IFT140: variants seen among roughly 807,000 people sequenced by gnomAD.
IFT140 encodes the protein intraflagellar transport protein 140 homolog.
IFT140 carries 133 observed loss-of-function variants against 164.6 expected under a neutral mutation model. That is an observed-to-expected ratio of 0.81 (90% CI 0.70 to 0.93). The LOEUF (loss-of-function observed/expected upper bound fraction) is 0.93. IFT140 is among the 40% of genes least tolerant of loss of function. The pLI is 0.00. For synonymous variants in IFT140, 860 were observed against 817.3 expected (o/e 1.05, Z -0.89); for missense variants, 2,045 against 1,972.3 (o/e 1.04, Z -0.70).
In IFT140 at chr16:1,561,974, T is replaced by G; in HGVS notation, c.2199+11A>C. 6.3e-7 allele frequency: 1 copy of G among 1,589,090 alleles called. No individual in the cohort carries two copies. ...TCAGAAGACACCTGTGCGGATGTCG[T>G]GGCTTCGTACCTTTCTTGTGAAGTA... On this transcript the variant is annotated intron_variant, in intron 18 of 30. Coordinates refer to ENST00000426508, the MANE Select transcript of IFT140 (RefSeq NM_014714.4).
intron 3 of IFT140, among the ~76,000 whole-genome samples, chr16:1,606,110 G>A (rs1331732573): frequency 6.6e-6 from 1 of 152,212 alleles, no homozygotes; most frequent in African/African-American, 2.4e-5. Flanking sequence ...CAGAGCCAGC[G>A]GGCCCTGCTG....
chr16:1,523,703 G>A lies in IFT140; in HGVS notation c.3271-3C>T. On this transcript the variant is annotated splice_polypyrimidine_tract_variant and splice_region_variant and intron_variant, in intron 25 of 30. Transcript: ENST00000426508. ...AGGGCCTTGGAGAAGTGGCCAGCCTGCGGATACGGTGGGCTCTGAGCAGCT... is the reference window on the plus strand; with the variant it reads ...AGGGCCTTGGAGAAGTGGCCAGCCTACGGATACGGTGGGCTCTGAGCAGCT... The A allele has an allele frequency of 6.2e-7, 1 of 1,612,804 alleles. No individual in the cohort carries two copies. The highest frequency in any genetic ancestry group is 8.5e-7 in the Non-Finnish European group (1 of 1,179,536).
At chr16:1,582,085 C>A (rs543574811) in intron 12 of IFT140, among the ~76,000 whole-genome samples, 45 of 152,042 alleles carry the variant, frequency 3.0e-4, no homozygotes, top group South Asian at 6.2e-4. Flanking sequence ...AAGGTGATAA[C>A]TGTGGAATGG....
intron 29 of IFT140, among the ~76,000 whole-genome samples, chr16:1,519,528 C>G (rs1419609757): frequency 6.6e-6 from 1 of 152,110 alleles, no homozygotes; most frequent in Non-Finnish European, 1.5e-5. Flanking sequence ...CCCCCAACCC[C>G]AGGTCACACA....
In IFT140 at chr16:1,586,120, G is replaced by C. The variant is rs1278359834; in HGVS notation, c.1155+10C>G. The C allele has an allele frequency of 6.2e-7, 1 of 1,611,130 alleles. No homozygotes were observed. The highest frequency in any genetic ancestry group is 1.1e-5 in the South Asian group (1 of 91,074). On this transcript the variant is annotated intron_variant, in intron 10 of 30. Coordinates refer to ENST00000426508, the MANE Select transcript of IFT140 (RefSeq NM_014714.4). Reference sequence around the variant, plus strand: ...AAAATGAGTGCACCGAACACCCTTGGAGGCTGTACCTGGATTTGCGTGATG... The same window carrying C: ...AAAATGAGTGCACCGAACACCCTTGCAGGCTGTACCTGGATTTGCGTGATG...
At position 1,513,916 on chromosome 16, in the gene IFT140, G is replaced by A. The variant is rs1235253296; in HGVS notation, c.4183-2766C>T. Among the ~76,000 whole-genome samples the A allele has an allele frequency of 9.8e-4, 145 of 148,186 alleles. 1 individual carries two copies. Among genetic ancestry groups the A allele is most frequent in the African/African-American group, 2.7e-3 (109 of 40,038 alleles). On this transcript the variant is annotated intron_variant, in intron 30 of 30. Transcript: ENST00000426508. ...TCTCCATCTCCTGACCTCATGATCTGCCCGCCTTGGCCTCCCAAAGTGCTG... is the reference window on the plus strand; with the variant it reads ...TCTCCATCTCCTGACCTCATGATCTACCCGCCTTGGCCTCCCAAAGTGCTG...
At chr16:1,521,567 T>G (rs2040528171) in intron 26 of IFT140, among the ~76,000 whole-genome samples, 1 of 151,750 alleles carries the variant, frequency 6.6e-6, no homozygotes, top group South Asian at 2.1e-4. Flanking sequence ...TTTGTAATTT[T>G]TTTTAGTAGA....
chr16:1,568,357 C>T lies in IFT140; in HGVS notation c.1653-23G>A, dbSNP rs142549746. The T allele has an allele frequency of 3.3e-4, 513 of 1,575,776 alleles. 3 individuals are homozygous for T. In the Middle Eastern group the frequency reaches 4.0e-3, roughly 12 times the overall value. ...TCTCTGCAGGGAGGAAGAGGGACCT[C>T]AGTGCCCGCCAGAGGCCCAGTTCCC... On this transcript the variant is annotated intron_variant, in intron 14 of 30. Coordinates refer to ENST00000426508, the MANE Select transcript of IFT140 (RefSeq NM_014714.4).
intron 19 of IFT140, among the ~76,000 whole-genome samples, chr16:1,529,535 G>A (rs2030216256): frequency 2.0e-5 from 3 of 152,234 alleles, no homozygotes; most frequent in South Asian, 4.1e-4. Context: ...GCGCTCCTCA[G>A]TCTTTTGGGT....
At position 1,520,704 on chromosome 16, in the gene IFT140, C is replaced by T. The variant is rs368713443; in HGVS notation, c.3558G>A (p.Glu1186=). ...VAKDSSDLPE[E]SRRELLEQIA... ...TCTGCTCCAGCAGCTCCCGCCGCGA[C>T]TCCTCAGGCAGGTCCGAGGAGTCCT... Residue 1186 remains glutamate, a synonymous_variant, in exon 27 of 31, where the codon GAG becomes GAA. Coordinates refer to ENST00000426508, the MANE Select transcript of IFT140 (RefSeq NM_014714.4). The T allele has an allele frequency of 3.5e-5, 57 of 1,612,138 alleles. No homozygotes were observed. The highest frequency in any genetic ancestry group is 7.6e-6 in the Non-Finnish European group (9 of 1,179,772).
At chr16:1,598,847 A>G (rs1185190582) in intron 4 of IFT140, among the ~76,000 whole-genome samples, 1 of 147,952 alleles carries the variant, frequency 6.8e-6, no homozygotes. Flanking sequence ...CCGTCTGGGA[A>G]GTGAGGAGTG....
At chr16:1,583,757 T>G (rs539518287) in intron 11 of IFT140, among the ~76,000 whole-genome samples, 1 of 152,288 alleles carries the variant, frequency 6.6e-6, no homozygotes, top group African/African-American at 2.4e-5. Flanking sequence ...TTATGTTCTT[T>G]TTTTTGAGAC....
intron 3 of IFT140, 145 bp downstream of exon 3, chr16:1,606,975 C>T: frequency 1.3e-6 from 1 of 789,706 alleles, no homozygotes; most frequent in Non-Finnish European, 2.1e-6. Context: ...CACACCAATA[C>T]ACATACACGC....
intron 18 of IFT140, among the ~76,000 whole-genome samples, chr16:1,559,568 C>G (rs1355462519): frequency 6.6e-6 from 1 of 152,202 alleles, no homozygotes; most frequent in African/African-American, 2.4e-5. Flanking sequence ...GGCTGAGTTA[C>G]GAAAACTCCC....
intron 19 of IFT140, among the ~76,000 whole-genome samples, chr16:1,527,451 C>T (rs1050186626): frequency 6.6e-6 from 1 of 152,220 alleles, no homozygotes; most frequent in Non-Finnish European, 1.5e-5. Context: ...GCACCTTCCA[C>T]CCCAGCCCTG....
Position 1,565,000 on chromosome 16 carries a change from G to T in IFT140, c.1902-838C>A, listed in dbSNP as rs1253818370. 6.6e-6 allele frequency among the ~76,000 whole-genome samples: 1 copy of T among 152,304 alleles called. No homozygotes were observed. The highest frequency in any genetic ancestry group is 2.4e-5 in the African/African-American group (1 of 41,556). On this transcript the variant is annotated intron_variant, in intron 16 of 30. Coordinates refer to ENST00000426508, the MANE Select transcript of IFT140 (RefSeq NM_014714.4). The surrounding 1 kb of genome is among the most constrained non-coding windows in gnomAD (Gnocchi z 5.5). ...GGCTCTGAGGCCCAGAGAGCCCGGG[G>T]ACACAAGCTGGTTCCCGTGAGGTGA...
intron 13 of IFT140, among the ~76,000 whole-genome samples, chr16:1,573,113 G>T (rs980345874): frequency 6.6e-6 from 1 of 152,224 alleles, no homozygotes; most frequent in African/African-American, 2.4e-5. Context: ...GAGGGTGAGG[G>T]ACGGATGGCT....
At chr16:1,568,966 G>A (rs1398020635) in intron 14 of IFT140, among the ~76,000 whole-genome samples, 1 of 151,116 alleles carries the variant, frequency 6.6e-6, no homozygotes, top group East Asian at 2.0e-4. Flanking sequence ...CTAGTTTGTT[G>A]CTGACATAAT....
In IFT140 at chr16:1,580,843, G is replaced by C. The variant is rs770727161; in HGVS notation, c.1440C>G (p.Phe480Leu). Residue 480 changes from phenylalanine to leucine, a missense_variant, in exon 13 of 31, where the codon TTC (phenylalanine) becomes TTG (leucine). Coordinates refer to ENST00000426508, the MANE Select transcript of IFT140 (RefSeq NM_014714.4). ...SGAAIRSAGT[F>L]LCETPVLAMH... Reference sequence around the variant, plus strand: ...TTGCTAACACAGGCGTCTCACACAAGAAGGTCCCTAAAATGAAAGACGAAC... The same window carrying C: ...TTGCTAACACAGGCGTCTCACACAACAAGGTCCCTAAAATGAAAGACGAAC... 2.5e-6 allele frequency: 4 copies of C among 1,612,278 alleles called. No homozygotes were observed. Among genetic ancestry groups the C allele is most frequent in the Non-Finnish European group, 3.4e-6 (4 of 1,178,626 alleles).
Sources: allele counts gnomAD v4.1 joint callset (sites outside exome capture counted in the v4.1 genomes callset), GRCh38; gene constraint gnomAD v4.1.1; non-coding constraint Gnocchi (gnomAD v3.1); transcripts MANE v1.5; gene names NCBI Gene and HGNC (gene_info 2026-07-23, HGNC 2026-07-21).